DOCK8: variants seen among roughly 807,000 people sequenced by gnomAD.
DOCK8 encodes dedicator of cytokinesis protein 8.
In DOCK8, 141 loss-of-function variants were observed where a neutral mutation model predicts 245.6. The ratio of observed to expected loss-of-function variants is 0.57; its 90% CI spans 0.50 to 0.66. The LOEUF (loss-of-function observed/expected upper bound fraction) is 0.66. Among genes scored for constraint, DOCK8 ranks in the 30% least tolerant of loss-of-function variants. The probability of loss-of-function intolerance (pLI) is 0.00; values close to 1 mark genes in which losing one functional copy is unlikely to be tolerated. For missense variants in DOCK8, 2,965 were observed against 2,603.4 expected (o/e 1.14, Z -3.02); for synonymous variants, 1,168 against 970.2 (o/e 1.20, Z -3.79).
intron 44 of DOCK8, 135 bp from the exon 45 acceptor site, chr9:449,649 G>T (rs1358393391): frequency 9.2e-7 from 1 of 1,082,342 alleles, no homozygotes; most frequent in African/African-American, 1.6e-5. Flanking sequence ...CCTGTTAAGA[G>T]TATTTTAAAT....
chr9:224,726 G>A (rs1259170163), intron 1 of DOCK8, among the ~76,000 whole-genome samples: 1 of 152,130 alleles, frequency 6.6e-6, no homozygotes, highest in African/African-American at 2.4e-5. Flanking sequence ...CTTGGGGTCT[G>A]TGGTTCCCCA....
chr9:345,584 A>G (rs1188539867), intron 14 of DOCK8, among the ~76,000 whole-genome samples: 1 of 152,174 alleles, frequency 6.6e-6, no homozygotes, highest in Non-Finnish European at 1.5e-5. Flanking sequence ...GTTGAACTCC[A>G]GTTATCTTTA....
chr9:399,340 G>A (rs571355312), intron 26 of DOCK8, 81 bp downstream of exon 26: 57 of 1,046,466 alleles, frequency 5.4e-5, no homozygotes, highest in African/African-American at 2.4e-4. Flanking sequence ...GCCATGGCAC[G>A]CTGTCTTCTT....
intron 1 of DOCK8, chr9:267,953 C>T (rs367625455): frequency 2.0e-5 from 3 of 152,160 alleles, no homozygotes; most frequent in African/African-American, 7.2e-5. Context: ...AGAGTAACAG[C>T]AGTTTCATAG....
chr9:459,341 T>G (rs991161333), intron 46 of DOCK8, among the ~76,000 whole-genome samples: 47 of 152,342 alleles, frequency 3.1e-4, no homozygotes, highest in African/African-American at 1.1e-3. Flanking sequence ...TATAAAATAA[T>G]TTTTTGCATT....
intron 15 of DOCK8, 81 bp downstream of exon 15, chr9:368,216 A>G: frequency 2.6e-6 from 3 of 1,173,320 alleles, no homozygotes; most frequent in Non-Finnish European, 2.6e-6. Context: ...GGGACTCATC[A>G]GTGTACAAAG....
upstream of DOCK8, chr9:214,826 G>T (rs748849067): frequency 1.4e-5 from 22 of 1,598,942 alleles, no homozygotes; most frequent in Non-Finnish European, 1.2e-5. Flanking sequence ...GGTGATTTCG[G>T]CTTAGAAGGT....
At chr9:396,668 TAA>T (rs755088791) in intron 24 of DOCK8, 115 bp from the exon 25 acceptor site, 13 of 1,417,298 alleles carry the variant, frequency 9.2e-6, no homozygotes, top group African/African-American at 8.5e-5. Context: ...CCAGCACAGA[TAA>T]AGTGTCAGAA....
intron 26 of DOCK8, among the ~76,000 whole-genome samples, chr9:401,423 A>C (rs1046255028): frequency 6.6e-6 from 1 of 152,058 alleles, no homozygotes. Context: ...AAGCTTATAG[A>C]TCTGGGTGAG....
chr9:439,202 C>G (rs1340177129), intron 39 of DOCK8, 43 bp from the exon 40 acceptor site: 4 of 1,613,872 alleles, frequency 2.5e-6, no homozygotes, highest in East Asian at 4.5e-5. Flanking sequence ...TCTTACTAGT[C>G]TGGTCGCCCT....
chr9:348,205 G>A (rs7041402), intron 14 of DOCK8, among the ~76,000 whole-genome samples: 25,091 of 152,126 alleles, frequency 0.16, 2,256 homozygotes, highest in Non-Finnish European at 0.2. Flanking sequence ...GCTAAAGATC[G>A]AAATCTTCTC....
chr9:233,450 C>T lies in DOCK8; in HGVS notation c.53+18421C>T, dbSNP rs553604175. ...GAGCTGAGGTCAATTCCTCGGTATC[C>T]TTGTTGACTTTCTGTCTCACTGATC... On this transcript the variant is annotated intron_variant, in intron 1 of 47. Coordinates refer to ENST00000432829, the MANE Select transcript of DOCK8 (RefSeq NM_203447.4). Among the ~76,000 whole-genome samples, 6 of 152,238 alleles carry T rather than the reference C, an allele frequency of 3.9e-5. No homozygotes were observed. In the East Asian group the frequency reaches 9.7e-4, roughly 25 times the overall value.
At chr9:415,066 T>C in intron 29 of DOCK8, 115 bp downstream of exon 29, 1 of 1,457,218 alleles carries the variant, frequency 6.9e-7, no homozygotes, top group Non-Finnish European at 9.5e-7. Context: ...GAGCAATTCT[T>C]CACAAAAATG....
chr9:374,042 G>C (rs1015601603), intron 18 of DOCK8, among the ~76,000 whole-genome samples: 3 of 152,184 alleles, frequency 2.0e-5, no homozygotes, highest in African/African-American at 7.2e-5. Flanking sequence ...CCCTCTCTGA[G>C]TCTCGAAGAT....
At chr9:328,810 C>T (rs2050875225) in intron 9 of DOCK8, among the ~76,000 whole-genome samples, 1 of 151,750 alleles carries the variant, frequency 6.6e-6, no homozygotes, top group Non-Finnish European at 1.5e-5. Context: ...AAGAGCCTTT[C>T]ATTCTAGGCT....
At chr9:376,675 C>A (rs2053531124) in intron 19 of DOCK8, among the ~76,000 whole-genome samples, 1 of 152,206 alleles carries the variant, frequency 6.6e-6, no homozygotes, top group South Asian at 2.1e-4. Context: ...CTGAGTTCTG[C>A]ATCTGCTGAG....
chr9:392,814 T>C (rs2054259760), intron 24 of DOCK8, among the ~76,000 whole-genome samples: 1 of 152,038 alleles, frequency 6.6e-6, no homozygotes, highest in African/African-American at 2.4e-5. Flanking sequence ...TCTTGAGGCA[T>C]GAGAAGTATC....
In DOCK8 at chr9:400,727, A is replaced by T. The variant is rs1419345411; in HGVS notation, c.3234+1468A>T. On this transcript the variant is annotated intron_variant, in intron 26 of 47. Transcript: ENST00000432829. The stretch of plus-strand genomic sequence containing the variant: ...CACCACCTCCACCATCACCACCACC[A>T]CCTCCACCACCACCAGCATCTTCAC... 1.3e-3 allele frequency among the ~76,000 whole-genome samples: 98 copies of T among 75,120 alleles called. 1 individual carries two copies. The highest frequency in any genetic ancestry group is 1.7e-3 in the Non-Finnish European group (73 of 43,194). The allele number at this position is 75,120 out of a possible 152,430, so 49.3% of individuals were successfully genotyped here.
At chr9:291,088 T>C (rs187969994) in intron 4 of DOCK8, among the ~76,000 whole-genome samples, 89 of 152,348 alleles carry the variant, frequency 5.8e-4, no homozygotes, top group African/African-American at 2.1e-3. Context: ...CAAGTTGTTC[T>C]CAAGTTTTTA....
Sources: gnomAD v4.1 joint callset for allele counts (sites outside exome capture counted in the v4.1 genomes callset) on GRCh38, gnomAD v4.1.1 for gene constraint, MANE v1.5 for transcripts, NCBI Gene and HGNC (gene_info 2026-07-23, HGNC 2026-07-21) for gene names.